MBL2: variants seen among roughly 807,000 people sequenced by gnomAD.
MBL2 encodes mannose binding lectin 2.
In MBL2, 6 loss-of-function variants were observed where a neutral mutation model predicts 12.7. The observed-to-expected ratio is 0.47, with a 90% CI of 0.26 to 0.94. The LOEUF is 0.94. MBL2 is among the 40% of genes least tolerant of loss of function. The pLI is 0.15. For synonymous variants in MBL2, 114 were observed against 112.0 expected (o/e 1.02, Z -0.11); for missense variants, 307 against 295.2 (o/e 1.04, Z -0.29).
chr10:52,771,503 C>T lies in MBL2; in HGVS notation c.133G>A (p.Gly45Ser), dbSNP rs1342494768. The change falls in exon 2 of 5, where the codon GGC becomes AGC. Residue 45 changes from glycine to serine, a missense_variant. Physicochemically the swap from Gly to Ser is moderately conservative, Grantham distance 56. Transcript: ENST00000674931. ...VIACSSPGIN[G>S]FPGKDGRDGT... Reference sequence around the variant, plus strand: ...TCACGCCCATCTTTGCCTGGGAAGCCGTTGATGCCTGGAGAGCTACAGGCA... The same window carrying T: ...TCACGCCCATCTTTGCCTGGGAAGCTGTTGATGCCTGGAGAGCTACAGGCA... The T allele has an allele frequency of 2.0e-5, 32 of 1,613,902 alleles. 1 individual carries two copies. The highest frequency in any genetic ancestry group is 1.0e-4 in the Admixed American group (6 of 60,008).
chr10:52,771,356 A>G, intron 2 of MBL2, 93 bp downstream of exon 2: 1 of 1,389,540 alleles, frequency 7.2e-7, no homozygotes, highest in Non-Finnish European at 9.9e-7. Context: ...GTTGAGAAAA[A>G]TATACTCAAA....
Position 52,770,773 on chromosome 10 carries a change from T to C in MBL2, c.201A>G (p.Arg67=). 2 of 1,480,452 alleles carry C rather than the reference T, an allele frequency of 1.4e-6. No individual in the cohort carries two copies. The highest frequency in any genetic ancestry group is 1.8e-6 in the Non-Finnish European group (2 of 1,110,142). The allele number at this position is 1,480,452 out of a possible 1,614,324, so 91.7% of individuals were successfully genotyped here. The change falls in exon 3 of 5, where the codon AGA becomes AGG. Residue 67 remains arginine (R), a synonymous_variant. Coordinates refer to ENST00000674931, the MANE Select transcript of MBL2 (RefSeq NM_001378373.1). The stretch of plus-strand genomic sequence containing the variant: ...ACTTTCCAGGGGGGCCCTGTAAGCC[T>C]CTGAGCCCTTGGCCTGTTGGAAGAC... The part of the protein sequence containing the change: ...GEKGEPGQGL[R]GLQGPPGKLG...
chr10:52,768,083 G>A lies in MBL2; in HGVS notation c.*54C>T. ...TATAATTTATCTTTTCAAGCATACT[G>A]TGGGCCTGTGGGTTGCAGTAAAAAG... is the stretch of plus-strand genomic sequence containing the variant. On this transcript the variant is annotated 3_prime_UTR_variant, in exon 5 of 5. Coordinates refer to ENST00000674931, the MANE Select transcript of MBL2 (RefSeq NM_001378373.1). 1.4e-5 allele frequency: 22 copies of A among 1,530,346 alleles called. No individual in the cohort carries two copies. Among genetic ancestry groups the A allele is most frequent in the Non-Finnish European group, 1.9e-5 (22 of 1,138,770 alleles). The allele number at this position is 1,530,346 out of a possible 1,614,324, so 94.8% of individuals were successfully genotyped here.
rs1322142148 is a variant in MBL2 at position 52,766,756 on chromosome 10, A to G, written c.*1381T>C. 5 of 150,654 alleles carry G rather than the reference A, an allele frequency of 3.3e-5. No individual in the cohort carries two copies. The highest frequency in any genetic ancestry group is 5.9e-5 in the Non-Finnish European group (4 of 68,012). 9.3% of individuals were successfully genotyped at this position (150,654 alleles called of 1,614,324 possible). A position where few individuals can be genotyped will look rare whatever the true frequency, so the allele number is the denominator to read the frequency against. ...AACTAGCAAAATATTTGTAATACAC[A>G]TTAAAAAGGACATATTCAGAATGTA... On this transcript the variant is annotated 3_prime_UTR_variant, in exon 5 of 5. Coordinates refer to ENST00000674931, the MANE Select transcript of MBL2 (RefSeq NM_001378373.1).
At position 52,768,246 on chromosome 10, in the gene MBL2, G is replaced by A; in HGVS notation, c.638C>T (p.Pro213Leu). 1 of 1,613,766 alleles carries A rather than the reference G, an allele frequency of 6.2e-7. No individual in the cohort carries two copies. Among genetic ancestry groups the A allele is most frequent in the Non-Finnish European group, 8.5e-7 (1 of 1,180,006 alleles). ...ATCTTCATCAGAACCAGCATTGTTG[G>A]GTTCACCCTCGTTCCAGTTTGTGTA... is the stretch of plus-strand genomic sequence containing the variant. ...LTYTNWNEGE[P>L]NNAGSDEDCV... The change falls in exon 5 of 5, where the codon CCC becomes CTC. Residue 213 changes from proline to leucine, a missense_variant. Pro to Leu is a moderately conservative substitution (Grantham distance 98, BLOSUM62 -3). Transcript: ENST00000674931.
At chr10:52,770,089 A>G (rs1840368565) in intron 3 of MBL2, among the ~76,000 whole-genome samples, 2 of 152,160 alleles carry the variant, frequency 1.3e-5, no homozygotes, top group South Asian at 4.1e-4. Flanking sequence ...ATGATGAGAG[A>G]TGTGGTTCAA....
rs567403997 is a variant in MBL2, at chr10:52,765,813, T to A, written c.*2324A>T. 1 of 152,026 alleles carries A rather than the reference T, an allele frequency of 6.6e-6. No homozygotes were observed. Among genetic ancestry groups the A allele is most frequent in the South Asian group, 2.1e-4 (1 of 4,816 alleles). 9.4% of individuals were successfully genotyped at this position (152,026 alleles called of 1,614,324 possible). On this transcript the variant is annotated 3_prime_UTR_variant, in exon 5 of 5. Transcript: ENST00000674931. ...TAAGGTAAGAAAAAAGGTAAAGCAA[T>A]TGGGAAGAAGCAAGTATTGCCATAT...
Position 52,768,095 on chromosome 10 carries a change from G to T in MBL2, c.*42C>A, listed in dbSNP as rs1219068116. On this transcript the variant is annotated 3_prime_UTR_variant, in exon 5 of 5. Coordinates refer to ENST00000674931, the MANE Select transcript of MBL2 (RefSeq NM_001378373.1). ...TTTCAAGCATACTGTGGGCCTGTGG[G>T]TTGCAGTAAAAAGACAAGGAGGGCC... The T allele has an allele frequency of 3.9e-6, 6 of 1,546,850 alleles. No homozygotes were observed. Among genetic ancestry groups the T allele is most frequent in the East Asian group, 4.5e-5 (2 of 44,272 alleles).
In MBL2 at chr10:52,767,852, G is replaced by A. The variant is rs1037158878; in HGVS notation, c.*285C>T. ...CTGCAGCAAGTTAACACTATCGAAA[G>A]CATTACAGATTAATTAAACTAGATA... On this transcript the variant is annotated 3_prime_UTR_variant, in exon 5 of 5. Transcript: ENST00000674931. The A allele has an allele frequency of 4.2e-5, 11 of 262,782 alleles. No homozygotes were observed. The highest frequency in any genetic ancestry group is 1.4e-5 in the Non-Finnish European group (2 of 141,050). The allele number at this position is 262,782 out of a possible 1,614,324, so 16.3% of individuals were successfully genotyped here.
intron 4 of MBL2, among the ~76,000 whole-genome samples, chr10:52,768,746 A>G (rs961650540): frequency 6.6e-6 from 1 of 152,008 alleles, no homozygotes; most frequent in African/African-American, 2.4e-5. Context: ...TTGTCTTTTT[A>G]TTTGTTAAAT....
chr10:52,771,544 G>A lies in MBL2; in HGVS notation c.92C>T (p.Thr31Ile), dbSNP rs1840393072. 6.2e-7 allele frequency: 1 copy of A among 1,613,956 alleles called. No individual in the cohort carries two copies. The highest frequency in any genetic ancestry group is 8.5e-7 in the Non-Finnish European group (1 of 1,179,902). The change falls in exon 2 of 5, where the codon ACC becomes ATC. Residue 31 changes from threonine (T) to isoleucine (I), a missense_variant. Physicochemically the swap from Thr to Ile is moderately conservative, Grantham distance 89. Coordinates refer to ENST00000674931, the MANE Select transcript of MBL2 (RefSeq NM_001378373.1). ...GCTACAGGCAATCACTGCAGGGCAG[G>A]TCTTTTGGGCATCCTCACAGGTCAC... ...ETVTCEDAQK[T>I]CPAVIACSSP... is the part of the protein sequence containing the mutation.
chr10:52,771,717 C>T, intron 1 of MBL2, 73 bp from the exon 2 acceptor site: 1 of 1,507,614 alleles, frequency 6.6e-7, no homozygotes, highest in Non-Finnish European at 8.9e-7. Flanking sequence ...GCCCTCTGTC[C>T]TACAATCTGG....
rs963642453 is a variant in MBL2 at position 52,765,426 on chromosome 10, T to C, written c.*2711A>G. On this transcript the variant is annotated 3_prime_UTR_variant, in exon 5 of 5. Coordinates refer to ENST00000674931, the MANE Select transcript of MBL2 (RefSeq NM_001378373.1). The stretch of plus-strand genomic sequence containing the variant: ...CCATCAAAGCAAGGTTGATTTAATT[T>C]TTAAAAATCGATATGTGTTATGTAT... 6.6e-6 allele frequency: 1 copy of C among 152,224 alleles called. No homozygotes were observed. The highest frequency in any genetic ancestry group is 1.5e-5 in the Non-Finnish European group (1 of 68,040). The allele number at this position is 152,224 out of a possible 1,614,324, so 9.4% of individuals were successfully genotyped here. A position where few individuals can be genotyped will look rare whatever the true frequency, so the allele number is the denominator to read the frequency against.
In MBL2 at chr10:52,770,739, G is replaced by T; in HGVS notation, c.235C>A (p.Pro79Thr). Residue 79 changes from proline to threonine, a missense_variant, in exon 3 of 5, where the codon CCA becomes ACA. Coordinates refer to ENST00000674931, the MANE Select transcript of MBL2 (RefSeq NM_001378373.1). Reference sequence around the variant, plus strand: ...GACCCAGAAGGCCCTGGATTTCCTGGAGGCCCCAACTTTCCAGGGGGGCCC... The same window carrying T: ...GACCCAGAAGGCCCTGGATTTCCTGTAGGCCCCAACTTTCCAGGGGGGCCC... ...LQGPPGKLGP[P>T]GNPGPSGSPG... is the part of the protein sequence containing the mutation. The T allele has an allele frequency of 6.6e-7, 1 of 1,522,178 alleles. No homozygotes were observed. Among genetic ancestry groups the T allele is most frequent in the South Asian group, 1.3e-5 (1 of 78,324 alleles). 94.3% of individuals were successfully genotyped at this position (1,522,178 alleles called of 1,614,324 possible). A position where few individuals can be genotyped will look rare whatever the true frequency, so the allele number is the denominator to read the frequency against.
At chr10:52,769,448 G>T in intron 3 of MBL2, 133 bp from the exon 4 acceptor site, 1 of 561,960 alleles carries the variant, frequency 1.8e-6, no homozygotes, top group Non-Finnish European at 3.2e-6. Flanking sequence ...CACTTTGAAG[G>T]AAAATAAAAA....
intron 2 of MBL2, 24 bp downstream of exon 2, chr10:52,771,423 CAG>C (rs769881365): frequency 2.7e-5 from 43 of 1,607,528 alleles, no homozygotes; most frequent in Non-Finnish European, 3.6e-5. Flanking sequence ...TAAAGAATTG[CAG>C]AGACAGAACA....
At chr10:52,769,406 G>C in intron 3 of MBL2, 91 bp from the exon 4 acceptor site, 1 of 630,608 alleles carries the variant, frequency 1.6e-6, no homozygotes, top group Admixed American at 2.9e-5. Context: ...TTTTCAAACT[G>C]AAAAAAAAAG....
rs1317786763 is a variant in MBL2, at chr10:52,766,021, C to G, written c.*2116G>C. ...AATATATTATTAAAATCACTAAAAC[C>G]ACCAAAACAAGATATACAAGGTTTT... On this transcript the variant is annotated 3_prime_UTR_variant, in exon 5 of 5. Transcript: ENST00000674931. 2.0e-5 allele frequency: 3 copies of G among 151,600 alleles called. No homozygotes were observed. The highest frequency in any genetic ancestry group is 4.4e-5 in the Non-Finnish European group (3 of 67,848). 9.4% of individuals were successfully genotyped at this position (151,600 alleles called of 1,614,324 possible).
chr10:52,772,088 G>A (rs1840403085), intron 1 of MBL2, among the ~76,000 whole-genome samples: 1 of 152,160 alleles, frequency 6.6e-6, no homozygotes, highest in South Asian at 2.1e-4. Flanking sequence ...TTGTATCTGG[G>A]CAGCTGATTC....
Sources: gnomAD v4.1 joint callset for allele counts (sites outside exome capture counted in the v4.1 genomes callset) on GRCh38, gnomAD v4.1.1 for gene constraint, MANE v1.5 for transcripts, NCBI Gene and HGNC (gene_info 2026-07-23, HGNC 2026-07-21) for gene names.